Variants in TMEM204 observed in about 807,000 individuals in gnomAD.
TMEM204 encodes the protein transmembrane protein 204.
TMEM204 carries 15 observed loss-of-function variants against 19.4 expected under a neutral mutation model. The observed-to-expected ratio is 0.77, with a 90% CI of 0.52 to 1.19. The LOEUF (loss-of-function observed/expected upper bound fraction) is 1.19. TMEM204 is among the 50% of genes most tolerant of loss of function. TMEM204 has a pLI of 0.00. For synonymous variants in TMEM204, 161 were observed against 146.0 expected (o/e 1.10, Z -0.74); for missense variants, 287 against 321.2 (o/e 0.89, Z 0.81).
chr16:1,544,355 T>C (rs1443489102), intron 2 of TMEM204, among the ~76,000 whole-genome samples: 1 of 151,794 alleles, frequency 6.6e-6, no homozygotes, highest in African/African-American at 2.4e-5. Flanking sequence ...GGCTAATTTT[T>C]TTTGTATTTT....
At chr16:1,554,055 G>A (rs1349094760) in intron 2 of TMEM204, 1 of 1,287,172 alleles carries the variant, frequency 7.8e-7, no homozygotes, top group African/African-American at 1.5e-5. Flanking sequence ...AAAGAGAGGG[G>A]AAAGCATGGA....
In TMEM204 at chr16:1,554,970, C is replaced by A. The variant is rs996598795; in HGVS notation, c.625C>A (p.Leu209Met). ...APRVIVISRS[L>M]TARFRRGLDN... ...CCGGGTGATTGTCATCAGCCGCTCC[C>A]TGACAGCGCGCTTTCGCCGTGGGCT... Residue 209 changes from leucine (L) to methionine (M), a missense_variant, in exon 3 of 3, where the codon CTG becomes ATG. Coordinates refer to ENST00000566264, the MANE Select transcript of TMEM204 (RefSeq NM_024600.6). The A allele has an allele frequency of 1.2e-6, 2 of 1,613,960 alleles. No individual in the cohort carries two copies. The highest frequency in any genetic ancestry group is 1.7e-6 in the Non-Finnish European group (2 of 1,180,008).
At chr16:1,535,482 C>T (rs1278092965) in intron 1 of TMEM204, among the ~76,000 whole-genome samples, 4 of 152,210 alleles carry the variant, frequency 2.6e-5, no homozygotes, top group Non-Finnish European at 4.4e-5. Flanking sequence ...CTCACAGACT[C>T]GGGGTTGGAC....
intron 1 of TMEM204, among the ~76,000 whole-genome samples, chr16:1,534,829 T>TG (rs1029745278): frequency 1.3e-5 from 2 of 152,192 alleles, no homozygotes; most frequent in African/African-American, 4.8e-5. Context: ...CTCAGGCATT[T>TG]GGGGGGCCTC....
chr16:1,538,229 G>A (rs1311966568), intron 1 of TMEM204, among the ~76,000 whole-genome samples: 1 of 152,238 alleles, frequency 6.6e-6, no homozygotes, highest in East Asian at 1.9e-4. Flanking sequence ...TGGGGACTTG[G>A]AGGCTGCAGA....
Position 1,533,906 on chromosome 16 carries a change from C to T in TMEM204, c.-370C>T, listed in dbSNP as rs893542393. 9.9e-6 allele frequency: 3 copies of T among 303,864 alleles called. No individual in the cohort carries two copies. Among genetic ancestry groups the T allele is most frequent in the African/African-American group, 4.6e-5 (2 of 43,740 alleles). The allele number at this position is 303,864 out of a possible 1,614,324, so 18.8% of individuals were successfully genotyped here. On this transcript the variant is annotated 5_prime_UTR_variant, in exon 1 of 3. Transcript: ENST00000566264. This position sits in a 1 kb window ranked among gnomAD's most constrained non-coding sequence, Gnocchi z 4.7. ...TCGACTCCCACTGCTGCCGGCCTCC[C>T]GAGTGACTCTGTTTTCCACTGCTGC...
chr16:1,539,797 C>A (rs1168160896), intron 1 of TMEM204, among the ~76,000 whole-genome samples: 1 of 152,200 alleles, frequency 6.6e-6, no homozygotes, highest in Admixed American at 6.5e-5. Context: ...GCTCCGCTCT[C>A]CCCCTTGCCA....
intron 2 of TMEM204, among the ~76,000 whole-genome samples, chr16:1,544,660 T>G (rs1285853330): frequency 6.6e-6 from 1 of 151,918 alleles, no homozygotes; most frequent in Non-Finnish European, 1.5e-5. Flanking sequence ...CTTTTTTTTC[T>G]TTTTTTGAGA....
chr16:1,555,162 C>T lies in TMEM204; in HGVS notation c.*136C>T, dbSNP rs9922661. 23 of 1,107,716 alleles carry T rather than the reference C, an allele frequency of 2.1e-5. No homozygotes were observed. Among genetic ancestry groups the T allele is most frequent in the Middle Eastern group, 3.0e-4 (1 of 3,308 alleles). 68.6% of individuals were successfully genotyped at this position (1,107,716 alleles called of 1,614,324 possible). On this transcript the variant is annotated 3_prime_UTR_variant, in exon 3 of 3. Transcript: ENST00000566264. ...GAGTCTGGGTGACCTCTGCGCCATG[C>T]GTGCGAGACACGTGTGCGTTTACTG...
intron 1 of TMEM204, among the ~76,000 whole-genome samples, chr16:1,537,120 G>A (rs1018567129): frequency 6.6e-6 from 1 of 152,242 alleles, no homozygotes; most frequent in Non-Finnish European, 1.5e-5. Flanking sequence ...TCTGTGCTGT[G>A]AGGCTGGGTG....
chr16:1,549,186 C>A (rs2032431871), intron 2 of TMEM204, among the ~76,000 whole-genome samples: 1 of 152,256 alleles, frequency 6.6e-6, no homozygotes, highest in Non-Finnish European at 1.5e-5. Context: ...CCCTCTCTAC[C>A]CTAGTTGTGC....
intron 2 of TMEM204, among the ~76,000 whole-genome samples, chr16:1,545,849 G>C (rs568263721): frequency 6.6e-6 from 1 of 152,344 alleles, no homozygotes; most frequent in East Asian, 1.9e-4. Context: ...GCCATGCTCA[G>C]CACGACGTCT....
At chr16:1,538,294 G>A (rs1374831585) in intron 1 of TMEM204, among the ~76,000 whole-genome samples, 1 of 152,226 alleles carries the variant, frequency 6.6e-6, no homozygotes, top group Non-Finnish European at 1.5e-5. Flanking sequence ...GTGTGGCACA[G>A]GGCTGTGTGC....
chr16:1,546,117 G>A (rs1311106988), intron 2 of TMEM204, among the ~76,000 whole-genome samples: 1 of 152,222 alleles, frequency 6.6e-6, no homozygotes, highest in Non-Finnish European at 1.5e-5. Flanking sequence ...TGTGCAGATA[G>A]GCACGGGCAG....
At position 1,553,381 on chromosome 16, in the gene TMEM204, G is replaced by A; in HGVS notation, c.437-1401G>A. The stretch of plus-strand genomic sequence containing the variant: ...CGATGCTGGGGCCACACAGGGCAGG[G>A]CATGATTTGGTTTCCTGGGGAATGC... On this transcript the variant is annotated intron_variant, in intron 2 of 2. Coordinates refer to ENST00000566264, the MANE Select transcript of TMEM204 (RefSeq NM_024600.6). The surrounding 1 kb of genome is among the most constrained non-coding windows in gnomAD (Gnocchi z 4.4). 2.0e-6 allele frequency: 2 copies of A among 985,352 alleles called. No homozygotes were observed. The highest frequency in any genetic ancestry group is 2.4e-6 in the Non-Finnish European group (2 of 829,928). 61.0% of individuals were successfully genotyped at this position (985,352 alleles called of 1,614,324 possible).
intron 2 of TMEM204, among the ~76,000 whole-genome samples, chr16:1,547,557 G>C (rs1327578482): frequency 2.6e-5 from 4 of 152,078 alleles, no homozygotes; most frequent in Admixed American, 2.6e-4. Context: ...ATTTATTCGA[G>C]ATAGGGTCTC....
At chr16:1,548,801 T>G (rs2032390765) in intron 2 of TMEM204, among the ~76,000 whole-genome samples, 1 of 152,200 alleles carries the variant, frequency 6.6e-6, no homozygotes. Flanking sequence ...GCTGACTCAG[T>G]CACCTTCTTA....
chr16:1,547,777 C>A (rs1422027832), intron 2 of TMEM204, among the ~76,000 whole-genome samples: 1 of 152,146 alleles, frequency 6.6e-6, no homozygotes, highest in Non-Finnish European at 1.5e-5. Context: ...CTCAGGTGAT[C>A]CACCCACCTT....
At chr16:1,544,260 T>C (rs1237257622) in intron 2 of TMEM204, among the ~76,000 whole-genome samples, 1 of 150,918 alleles carries the variant, frequency 6.6e-6, no homozygotes, top group Non-Finnish European at 1.5e-5. Flanking sequence ...CTCGGCTCAC[T>C]GCAAGCTCCA....
Sources: gnomAD v4.1 joint callset for allele counts (sites outside exome capture counted in the v4.1 genomes callset) on GRCh38, gnomAD v4.1.1 for gene constraint, Gnocchi (gnomAD v3.1) non-coding constraint, MANE v1.5 for transcripts, NCBI Gene and HGNC (gene_info 2026-07-23, HGNC 2026-07-21) for gene names.